Variants in ESRP2 observed in about 807,000 individuals in gnomAD.
The protein encoded by ESRP2 is epithelial splicing regulatory protein 2.
In ESRP2, 48 loss-of-function variants were observed where a neutral mutation model predicts 78.6. That is an observed-to-expected ratio of 0.61 (90% CI 0.48 to 0.78). ESRP2 has a LOEUF of 0.78. Ranked by LOEUF, ESRP2 falls within the 30% of genes least tolerant of loss-of-function variation. ESRP2 has a pLI of 0.00. For synonymous variants in ESRP2, 383 were observed against 406.7 expected (o/e 0.94, Z 0.70); for missense variants, 863 against 965.9 (o/e 0.89, Z 1.41).
rs962118706 is a variant in ESRP2, at chr16:68,235,702, G to C, written c.259C>G (p.Arg87Gly). 8.7e-6 allele frequency: 14 copies of C among 1,601,998 alleles called. No homozygotes were observed. The South Asian group carries it at 8.8e-5, about 10-fold the overall frequency. Reference sequence around the variant, plus strand: ...TCGGCGCTCAGGCCGCTCGCCTCGCGGCACTGCGTACTCAGTGCGGCCGCC... The same window carrying C: ...TCGGCGCTCAGGCCGCTCGCCTCGCCGCACTGCGTACTCAGTGCGGCCGCC... ...AEAAALSTQC[R>G]EASGLSADSL... is the part of the protein sequence containing the mutation. Residue 87 changes from arginine (R) to glycine (G), a missense_variant, in exon 2 of 15, where the codon CGC becomes GGC. By Grantham distance (125) the Arg-to-Gly change is moderately radical. Transcript: ENST00000473183. The surrounding 1 kb of genome is among the most constrained non-coding windows in gnomAD (Gnocchi z 5.5).
rs761447394 is a variant in ESRP2 at position 68,232,045 on chromosome 16, C to A, written c.1056G>T (p.Leu352=). The change falls in exon 10 of 15, where the codon CTG becomes CTT. Residue 352 remains leucine (L), a synonymous_variant. Coordinates refer to ENST00000473183, the MANE Select transcript of ESRP2 (RefSeq NM_024939.3). The surrounding 1 kb of genome is among the most constrained non-coding windows in gnomAD (Gnocchi z 5.2). The part of the protein sequence containing the change: ...LSREDQVILR[L]RGLPFSAGPT... ...GCCCAGCCGAGAAGGGCAGTCCCCG[C>A]AGCCGCAGGATCACTTGGTCTTCCC... is the stretch of plus-strand genomic sequence containing the variant. The A allele has an allele frequency of 1.2e-6, 2 of 1,614,072 alleles. No homozygotes were observed. The highest frequency in any genetic ancestry group is 2.2e-5 in the South Asian group (2 of 91,070).
rs952841460 is a variant in ESRP2, at chr16:68,230,750, G to A, written c.1898+91C>T. 5 of 1,544,432 alleles carry A rather than the reference G, an allele frequency of 3.2e-6. No individual in the cohort carries two copies. In the African/African-American group the frequency reaches 6.8e-5, roughly 21 times the overall value. On this transcript the variant is annotated intron_variant, in intron 13 of 14. Coordinates refer to ENST00000473183, the MANE Select transcript of ESRP2 (RefSeq NM_024939.3). Reference sequence around the variant, plus strand: ...ACCTTACTCCCTTGTCATCTCAAGGGAGGAGTTATCTGGTCCAGAAAGGGG... The same window carrying A: ...ACCTTACTCCCTTGTCATCTCAAGGAAGGAGTTATCTGGTCCAGAAAGGGG...
rs1317129795 is a variant in ESRP2 at position 68,230,994 on chromosome 16, G to T, written c.1745C>A (p.Ala582Asp). The T allele has an allele frequency of 2.5e-6, 4 of 1,600,006 alleles. No homozygotes were observed. In the South Asian group the frequency reaches 4.5e-5, roughly 18 times the overall value. ...LSPPTYTTFQ[A>D]TPTLIPTETA... Reference sequence around the variant, plus strand: ...CTCCGTGGGAATGAGCGTTGGGGTGGCTTGGAAGGTGGTGTAGGTAGGTGG... The same window carrying T: ...CTCCGTGGGAATGAGCGTTGGGGTGTCTTGGAAGGTGGTGTAGGTAGGTGG... Residue 582 changes from alanine to aspartate, a missense_variant, in exon 13 of 15, where the codon GCC becomes GAC. By Grantham distance (126) the Ala-to-Asp change is moderately radical. Coordinates refer to ENST00000473183, the MANE Select transcript of ESRP2 (RefSeq NM_024939.3).
chr16:68,231,397 G>A lies in ESRP2; in HGVS notation c.1513-21C>T. On this transcript the variant is annotated intron_variant, in intron 11 of 14. Coordinates refer to ENST00000473183, the MANE Select transcript of ESRP2 (RefSeq NM_024939.3). The surrounding 1 kb of genome is among the most constrained non-coding windows in gnomAD (Gnocchi z 6.0). ...CGGCCCTGTGCACACCATCTTGTGA[G>A]CAGTTTGTCATGTGTAAGAGTGCCT... 1.9e-6 allele frequency: 3 copies of A among 1,614,040 alleles called. No homozygotes were observed. The highest frequency in any genetic ancestry group is 2.5e-6 in the Non-Finnish European group (3 of 1,179,970).
rs776640159 is a variant in ESRP2, at chr16:68,235,727, C to T, written c.234G>A (p.Glu78=). The change falls in exon 2 of 15, where the codon GAG becomes GAA. Residue 78 remains glutamate, a synonymous_variant. Coordinates refer to ENST00000473183, the MANE Select transcript of ESRP2 (RefSeq NM_024939.3). This position sits in a 1 kb window ranked among gnomAD's most constrained non-coding sequence, Gnocchi z 5.5. ...GGCACTGCGTACTCAGTGCGGCCGC[C>T]TCGGCACGAACCAGCGATTTGTGCA... The part of the protein sequence containing the change: ...GTLHKSLVRA[E]AAALSTQCRE... 4.4e-6 allele frequency: 7 copies of T among 1,607,208 alleles called. No homozygotes were observed. The South Asian group carries it at 7.7e-5, about 18-fold the overall frequency.
rs571532992 is a variant in ESRP2 at position 68,229,193 on chromosome 16, G to A, written c.*1033C>T. 2.6e-5 allele frequency: 4 copies of A among 152,364 alleles called. No homozygotes were observed. The highest frequency in any genetic ancestry group is 4.1e-4 in the South Asian group (2 of 4,828). 9.4% of individuals were successfully genotyped at this position (152,364 alleles called of 1,614,324 possible). On this transcript the variant is annotated 3_prime_UTR_variant, in exon 15 of 15. Coordinates refer to ENST00000473183, the MANE Select transcript of ESRP2 (RefSeq NM_024939.3). ...GCTCCTTACACAAATACAAAGGGAA[G>A]AAGAGCCAGCAGTTGAGGCTCCTCA...
chr16:68,231,725 T>C lies in ESRP2; in HGVS notation c.1300-31A>G, dbSNP rs1013714079. On this transcript the variant is annotated intron_variant, in intron 10 of 14. Transcript: ENST00000473183. This position sits in a 1 kb window ranked among gnomAD's most constrained non-coding sequence, Gnocchi z 6.0. ...AAGGAAGGCAGCAACAGGCTGGTCA[T>C]GCCAAGTAGGGCAGGGACACAGAGG... 6.3e-7 allele frequency: 1 copy of C among 1,594,654 alleles called. No homozygotes were observed. Among genetic ancestry groups the C allele is most frequent in the Non-Finnish European group, 8.6e-7 (1 of 1,167,634 alleles).
chr16:68,230,310 G>A lies in ESRP2; in HGVS notation c.2070C>T (p.Pro690=), dbSNP rs79902614. ...LLSVFQAYQL[P]ADDYTSLMPV... is the part of the protein sequence containing the mutation. ...GCATCAGACTGGTGTAGTCATCAGC[G>A]GGTAGCTACAGAAGGGACACAGATT... The change falls in exon 15 of 15, where the codon CCC becomes CCT. Residue 690 remains proline (P), a synonymous_variant. Coordinates refer to ENST00000473183, the MANE Select transcript of ESRP2 (RefSeq NM_024939.3). 2.5e-5 allele frequency: 40 copies of A among 1,614,214 alleles called. No homozygotes were observed. The East Asian group carries it at 6.9e-4, about 28-fold the overall frequency.
In ESRP2 at chr16:68,235,770, C is replaced by A; in HGVS notation, c.199-8G>T. ...TTTGTGCAGCGTCCCCACCTGTGAGCGGCGGGGGAAACCGATCAGCCGCGC... is the reference window on the plus strand; with the variant it reads ...TTTGTGCAGCGTCCCCACCTGTGAGAGGCGGGGGAAACCGATCAGCCGCGC... On this transcript the variant is annotated splice_polypyrimidine_tract_variant and splice_region_variant and intron_variant, in intron 1 of 14. Transcript: ENST00000473183. This position sits in a 1 kb window ranked among gnomAD's most constrained non-coding sequence, Gnocchi z 5.5. 1 of 1,609,400 alleles carries A rather than the reference C, an allele frequency of 6.2e-7. No individual in the cohort carries two copies. Among genetic ancestry groups the A allele is most frequent in the Non-Finnish European group, 8.5e-7 (1 of 1,178,620 alleles).
intron 13 of ESRP2, 103 bp from the exon 14 acceptor site, chr16:68,230,657 C>T (rs1350710804): frequency 2.8e-6 from 4 of 1,443,288 alleles, no homozygotes; most frequent in Non-Finnish European, 2.8e-6. Flanking sequence ...AATTCAGTTC[C>T]TCCCTGAAGC....
At position 68,230,891 on chromosome 16, in the gene ESRP2, ATAG is replaced by A; in HGVS notation, c.1845_1847del (p.Tyr616del). The A allele has an allele frequency of 2.5e-6, 4 of 1,613,802 alleles. No individual in the cohort carries two copies. Among genetic ancestry groups the A allele is most frequent in the Non-Finnish European group, 3.4e-6 (4 of 1,179,912 alleles). On this transcript the variant is annotated inframe_deletion, in exon 13 of 15. Coordinates refer to ENST00000473183, the MANE Select transcript of ESRP2 (RefSeq NM_024939.3). ...GGTAGAGTTGAGTGGCTGGCCCTGGATAGTAGGCAACAGGGGTGGGGGCAGCAG... is the reference window on the plus strand; with the variant it reads ...GGTAGAGTTGAGTGGCTGGCCCTGGATAGGCAACAGGGGTGGGGGCAGCAG...
rs2042211102 is a variant in ESRP2, at chr16:68,235,423, T to C, written c.327+211A>G. The C allele has an allele frequency of 1.0e-6, 1 of 985,214 alleles. No homozygotes were observed. The highest frequency in any genetic ancestry group is 6.2e-5 in the Admixed American group (1 of 16,260). The allele number at this position is 985,214 out of a possible 1,614,324, so 61.0% of individuals were successfully genotyped here. On this transcript the variant is annotated intron_variant, in intron 2 of 14. Coordinates refer to ENST00000473183, the MANE Select transcript of ESRP2 (RefSeq NM_024939.3). This position sits in a 1 kb window ranked among gnomAD's most constrained non-coding sequence, Gnocchi z 5.5. ...CTTCGGTAGGAGTAGGTTCCTGCAATGGTTGAAAAGTAAGGAGCCCAGGGG... is the reference window on the plus strand; with the variant it reads ...CTTCGGTAGGAGTAGGTTCCTGCAACGGTTGAAAAGTAAGGAGCCCAGGGG...
Position 68,232,703 on chromosome 16 carries a change from A to G in ESRP2, c.711-16T>C. 1 of 1,614,220 alleles carries G rather than the reference A, an allele frequency of 6.2e-7. No homozygotes were observed. Among genetic ancestry groups the G allele is most frequent in the Non-Finnish European group, 8.5e-7 (1 of 1,180,022 alleles). The stretch of plus-strand genomic sequence containing the variant: ...AGCCTTGCTGCTGTAGGGGCAGGGC[A>G]CAGTGCTGTCAGAGCTATTCAGCTG... On this transcript the variant is annotated splice_polypyrimidine_tract_variant and intron_variant, in intron 6 of 14. Coordinates refer to ENST00000473183, the MANE Select transcript of ESRP2 (RefSeq NM_024939.3). The surrounding 1 kb of genome is among the most constrained non-coding windows in gnomAD (Gnocchi z 5.2).
chr16:68,234,432 C>T (rs900471660), intron 2 of ESRP2: 6 of 253,590 alleles, frequency 2.4e-5, no homozygotes, highest in South Asian at 8.4e-5. Context: ...TGGGAAGGGG[C>T]GGGGCAAAGC....
rs779579557 is a variant in ESRP2 at position 68,232,517 on chromosome 16, G to T, written c.822-14C>A. The T allele has an allele frequency of 6.2e-7, 1 of 1,614,074 alleles. No individual in the cohort carries two copies. Among genetic ancestry groups the T allele is most frequent in the Non-Finnish European group, 8.5e-7 (1 of 1,179,982 alleles). ...GCTACACCACCCCTGTGGAGCCAGTGCTGTTAGTGCCTCCTGGGTAGGCCT... is the reference window on the plus strand; with the variant it reads ...GCTACACCACCCCTGTGGAGCCAGTTCTGTTAGTGCCTCCTGGGTAGGCCT... On this transcript the variant is annotated splice_polypyrimidine_tract_variant and intron_variant, in intron 7 of 14. Coordinates refer to ENST00000473183, the MANE Select transcript of ESRP2 (RefSeq NM_024939.3). This position sits in a 1 kb window ranked among gnomAD's most constrained non-coding sequence, Gnocchi z 5.2.
chr16:68,232,781 C>T lies in ESRP2; in HGVS notation c.690G>A (p.Gln230=). 2 of 1,614,254 alleles carry T rather than the reference C, an allele frequency of 1.2e-6. No individual in the cohort carries two copies. The highest frequency in any genetic ancestry group is 1.7e-6 in the Non-Finnish European group (2 of 1,180,052). The change falls in exon 6 of 15, where the codon CAG becomes CAA. Residue 230 remains glutamine (Q), a synonymous_variant. Transcript: ENST00000473183. The surrounding 1 kb of genome is among the most constrained non-coding windows in gnomAD (Gnocchi z 5.2). ...QLFSKPEVIK[Q]KYETGPCSKA... ...CTCACCAAGGCCCCGTCTCGTATTT[C>T]TGCTTTATCACCTCGGGCTTCGAAA...
In ESRP2 at chr16:68,230,146, T is replaced by G; in HGVS notation, c.*80A>C. 2.2e-6 allele frequency: 3 copies of G among 1,352,360 alleles called. No homozygotes were observed. Among genetic ancestry groups the G allele is most frequent in the Non-Finnish European group, 3.2e-6 (3 of 944,110 alleles). 83.8% of individuals were successfully genotyped at this position (1,352,360 alleles called of 1,614,324 possible). ...ACAAGCCAGAAAGAAGCTACCAGGTTGAGGGTGCTGGTCTTCTGGACTCAG... is the reference window on the plus strand; with the variant it reads ...ACAAGCCAGAAAGAAGCTACCAGGTGGAGGGTGCTGGTCTTCTGGACTCAG... On this transcript the variant is annotated 3_prime_UTR_variant, in exon 15 of 15. Transcript: ENST00000473183.
chr16:68,235,999 G>T lies in ESRP2; in HGVS notation c.47C>A (p.Ala16Glu), dbSNP rs777909147. The T allele has an allele frequency of 2.6e-6, 4 of 1,561,520 alleles. No individual in the cohort carries two copies. The highest frequency in any genetic ancestry group is 3.5e-6 in the Non-Finnish European group (4 of 1,156,718). ...GCAGGGGTCCGCGGCGGGGTCGGCC[G>T]CGGGGTCAGGGCCCGGGGGAGGGGG... is the stretch of plus-strand genomic sequence containing the variant. Reference protein sequence around the residue: ...PPPPPPGPDPAADPAADPCPW... With the variant: ...PPPPPPGPDPEADPAADPCPW... Residue 16 changes from alanine to glutamate, a missense_variant, in exon 1 of 15, where the codon GCG (alanine) becomes GAG (glutamate). Ala to Glu is a moderately radical substitution (Grantham distance 107). Transcript: ENST00000473183. This position sits in a 1 kb window ranked among gnomAD's most constrained non-coding sequence, Gnocchi z 5.5.
At position 68,232,876 on chromosome 16, in the gene ESRP2, T is replaced by G. The variant is rs1417845693; in HGVS notation, c.656-61A>C. On this transcript the variant is annotated intron_variant, in intron 5 of 14. Coordinates refer to ENST00000473183, the MANE Select transcript of ESRP2 (RefSeq NM_024939.3). This position sits in a 1 kb window ranked among gnomAD's most constrained non-coding sequence, Gnocchi z 5.2. Reference sequence around the variant, plus strand: ...GTGGAGAGGGGTGTCCCCACCAAGTTCTGCAAAAAGTGGACAATTGAGAGA... The same window carrying G: ...GTGGAGAGGGGTGTCCCCACCAAGTGCTGCAAAAAGTGGACAATTGAGAGA... The G allele has an allele frequency of 1.9e-6, 3 of 1,610,328 alleles. No homozygotes were observed. The highest frequency in any genetic ancestry group is 2.7e-5 in the African/African-American group (2 of 74,848).
Sources: gnomAD v4.1 joint callset for allele counts on GRCh38, gnomAD v4.1.1 for gene constraint, Gnocchi (gnomAD v3.1) non-coding constraint, MANE v1.5 for transcripts, NCBI Gene and HGNC (gene_info 2026-07-23, HGNC 2026-07-21) for gene names.